Variants in TSC22D1 observed in about 807,000 individuals in gnomAD.
TSC22D1 encodes the protein TSC22 domain family member 1, also known as TSC22 domain family protein 1.
TSC22D1 carries 9 observed loss-of-function variants against 74.2 expected under a neutral mutation model. That is an observed-to-expected ratio of 0.12 (90% CI 0.07 to 0.21). The LOEUF (loss-of-function observed/expected upper bound fraction) is 0.21. Ranked by LOEUF, TSC22D1 falls within the 10% of genes least tolerant of loss-of-function variation. The pLI is 1.00. For synonymous variants in TSC22D1, 586 were observed against 492.5 expected (o/e 1.19, Z -2.51); for missense variants, 1,427 against 1,304.7 (o/e 1.09, Z -1.44).
intron 1 of TSC22D1, among the ~76,000 whole-genome samples, chr13:44,494,375 CAAAAAAAAA>C (rs57468850): frequency 6.8e-4 from 18 of 26,482 alleles, no homozygotes; most frequent in Admixed American, 2.4e-3. Flanking sequence ...GACTCCGTAT[CAAAAAAAAA>C]AAAAAAAAAA....
chr13:44,555,928 C>T (rs1882608337), intron 1 of TSC22D1, among the ~76,000 whole-genome samples: 1 of 151,976 alleles, frequency 6.6e-6, no homozygotes, highest in Non-Finnish European at 1.5e-5. Context: ...CTGTCAAGAG[C>T]ATACTAAATA....
intron 1 of TSC22D1, among the ~76,000 whole-genome samples, chr13:44,545,137 C>A (rs1226708179): frequency 6.6e-6 from 1 of 152,060 alleles, no homozygotes; most frequent in Admixed American, 6.5e-5. Context: ...GAGTTCAAGA[C>A]CAGCCTGGCC....
chr13:44,494,430 T>C (rs1878872258), intron 1 of TSC22D1, among the ~76,000 whole-genome samples: 2 of 107,436 alleles, frequency 1.9e-5, no homozygotes, highest in South Asian at 6.9e-4. Context: ...TGGTAGCACA[T>C]ACCTGTGGTC....
chr13:44,493,905 A>G (rs897136182), intron 1 of TSC22D1, among the ~76,000 whole-genome samples: 2 of 152,166 alleles, frequency 1.3e-5, no homozygotes, highest in Non-Finnish European at 2.9e-5. Flanking sequence ...CAGACATCAT[A>G]CATGACAAAG....
At chr13:44,438,099 T>C (rs911138071) in intron 1 of TSC22D1, among the ~76,000 whole-genome samples, 2 of 152,216 alleles carry the variant, frequency 1.3e-5, no homozygotes, top group Non-Finnish European at 2.9e-5. Flanking sequence ...CCCTGAAGTT[T>C]GCTAAATTAT....
In TSC22D1 at chr13:44,573,442, A is replaced by G. The variant is rs1377736992; in HGVS notation, c.2633T>C (p.Ile878Thr). Reference protein sequence around the residue: ...LVQSVSQPPLIATNTNLPLAQ... With the variant: ...LVQSVSQPPLTATNTNLPLAQ... ...CAAAGGCAAATTTGTATTAGTTGCT[A>G]TCAAGGGAGGTTGACTAACACTTTG... Residue 878 changes from isoleucine to threonine, a missense_variant, in exon 1 of 3, where the codon ATA becomes ACA. Physicochemically the swap from Ile to Thr is moderately conservative, Grantham distance 89 (BLOSUM62 -1). This residue lies in a region of TSC22D1 where 1,343 missense variants were observed against 1,191.5 expected (regional missense o/e 1.13). Transcript: ENST00000458659. The G allele has an allele frequency of 4.3e-6, 7 of 1,614,144 alleles. No homozygotes were observed. The highest frequency in any genetic ancestry group is 5.1e-6 in the Non-Finnish European group (6 of 1,180,058).
intron 1 of TSC22D1, among the ~76,000 whole-genome samples, chr13:44,478,689 T>C (rs1220874900): frequency 6.6e-6 from 1 of 152,218 alleles, no homozygotes; most frequent in Non-Finnish European, 1.5e-5. Context: ...AAACTATTTA[T>C]GGAAAACTCA....
chr13:44,558,163 C>A (rs776114262), intron 1 of TSC22D1, among the ~76,000 whole-genome samples: 6 of 152,154 alleles, frequency 3.9e-5, no homozygotes, highest in Non-Finnish European at 8.8e-5. Context: ...ACCTTTTGTT[C>A]TTCTCAATGG....
At chr13:44,436,459 T>C (rs1385423243) in intron 1 of TSC22D1, 7 of 1,597,894 alleles carry the variant, frequency 4.4e-6, no homozygotes, top group East Asian at 2.2e-5. Flanking sequence ...TTATTATAAG[T>C]ATCCCACGAA....
At chr13:44,456,732 A>G (rs1170568952) in intron 1 of TSC22D1, among the ~76,000 whole-genome samples, 1 of 152,246 alleles carries the variant, frequency 6.6e-6, no homozygotes, top group Non-Finnish European at 1.5e-5. Flanking sequence ...TCAGAACACT[A>G]GAAAGAGCTC....
At chr13:44,557,418 G>A (rs142343625) in intron 1 of TSC22D1, among the ~76,000 whole-genome samples, 3,069 of 152,284 alleles carry the variant, frequency 0.02, 95 homozygotes, top group African/African-American at 0.067. Flanking sequence ...CTGAGATCAC[G>A]TCACTGCACT....
rs576123231 is a variant in TSC22D1 at position 44,458,681 on chromosome 13, G to A, written c.2913-22586C>T. 7.2e-5 allele frequency among the ~76,000 whole-genome samples: 11 copies of A among 152,282 alleles called. No individual in the cohort carries two copies. In the South Asian group the frequency reaches 2.1e-3, roughly 29 times the overall value. On this transcript the variant is annotated intron_variant, in intron 1 of 2. Coordinates refer to ENST00000458659, the MANE Select transcript of TSC22D1 (RefSeq NM_183422.4). ...TTCCCCCACAGGCTTGGAAGGGCCC[G>A]ATCCTGCTCTCTGGTCTCTCCCCAC...
intron 1 of TSC22D1, among the ~76,000 whole-genome samples, chr13:44,533,098 T>C (rs1880944735): frequency 1.3e-5 from 2 of 152,180 alleles, no homozygotes; most frequent in South Asian, 4.1e-4. Context: ...GGTGCTAAAC[T>C]AGAGAATTCT....
chr13:44,554,958 G>A (rs9533906), intron 1 of TSC22D1, among the ~76,000 whole-genome samples: 16,608 of 152,074 alleles, frequency 0.11, 980 homozygotes, highest in Non-Finnish European at 0.12. Flanking sequence ...AGACATTCAT[G>A]AACTCAAATA....
intron 1 of TSC22D1, among the ~76,000 whole-genome samples, chr13:44,508,424 C>T (rs1169997042): frequency 1.3e-5 from 2 of 152,150 alleles, no homozygotes; most frequent in Non-Finnish European, 2.9e-5. Flanking sequence ...GGCCAGTTAT[C>T]TTCAGTTGTG....
chr13:44,566,977 A>C (rs1244133597), intron 1 of TSC22D1, among the ~76,000 whole-genome samples: 1 of 152,212 alleles, frequency 6.6e-6, no homozygotes, highest in Non-Finnish European at 1.5e-5. Flanking sequence ...TCAGTTTAAG[A>C]AGCAACCAGT....
intron 1 of TSC22D1, among the ~76,000 whole-genome samples, chr13:44,493,219 C>T (rs901301264): frequency 3.3e-5 from 5 of 152,140 alleles, no homozygotes; most frequent in African/African-American, 1.2e-4. Context: ...GCCCCAATGC[C>T]CTCCCTGATT....
chr13:44,458,540 C>T (rs1417014985), intron 1 of TSC22D1, among the ~76,000 whole-genome samples: 4 of 152,136 alleles, frequency 2.6e-5, no homozygotes, highest in Non-Finnish European at 2.9e-5. Context: ...GCGGGAGCCC[C>T]ACCCCCTACC....
rs1555269385 is a variant in TSC22D1, at chr13:44,517,821, G to GTGTA, written c.2912+55341_2912+55342insTACA. 2.2e-3 allele frequency among the ~76,000 whole-genome samples: 73 copies of GTGTA among 32,602 alleles called. 1 individual carries two copies. Among genetic ancestry groups the GTGTA allele is most frequent in the African/African-American group, 5.6e-3 (52 of 9,260 alleles). 21.4% of individuals were successfully genotyped at this position (32,602 alleles called of 152,430 possible). A position where few individuals can be genotyped will look rare whatever the true frequency, so the allele number is the denominator to read the frequency against. On this transcript the variant is annotated intron_variant, in intron 1 of 2. Coordinates refer to ENST00000458659, the MANE Select transcript of TSC22D1 (RefSeq NM_183422.4). ...TATACACACATATATATGTGTGTGT[G>GTGTA]TGTGTGTGTATATATATATATATAT...
Sources: gnomAD v4.1 joint callset for allele counts (sites outside exome capture counted in the v4.1 genomes callset) on GRCh38, gnomAD v4.1.1 for gene constraint, gnomAD v4.1.1 regional missense constraint, MANE v1.5 for transcripts, NCBI Gene and HGNC (gene_info 2026-07-23, HGNC 2026-07-21) for gene names.